RBFOX1: variants seen among roughly 807,000 people sequenced by gnomAD.
RBFOX1 encodes the protein RNA binding protein fox-1 homolog 1.
RBFOX1 carries 8 observed loss-of-function variants against 57.7 expected under a neutral mutation model. The ratio of observed to expected loss-of-function variants is 0.14; its 90% CI spans 0.08 to 0.25. RBFOX1 has a LOEUF of 0.25. Among genes scored for constraint, RBFOX1 ranks in the 10% least tolerant of loss-of-function variants. The pLI is 1.00. For synonymous variants in RBFOX1, 326 were observed against 222.4 expected, an observed-to-expected ratio of 1.47 and a Z score of -4.15; for missense variants, 611 against 548.5, an observed-to-expected ratio of 1.11 and a Z score of -1.14.
intron 1 of RBFOX1, among the ~76,000 whole-genome samples, chr16:6,206,783 C>A (rs2097258223): frequency 6.6e-6 from 1 of 152,290 alleles, no homozygotes; most frequent in East Asian, 1.9e-4. Flanking sequence ...CTCTCCCTCC[C>A]TTTTACTTTA....
chr16:7,607,595 A>G (rs1326564202), intron 10 of RBFOX1, among the ~76,000 whole-genome samples: 21 of 152,230 alleles, frequency 1.4e-4, no homozygotes, highest in Non-Finnish European at 2.6e-4. Context: ...TTTGCCCTAA[A>G]AAAAGCATTG....
chr16:7,266,982 CA>C (rs1366004939), intron 4 of RBFOX1, among the ~76,000 whole-genome samples: 15 of 151,988 alleles, frequency 9.9e-5, no homozygotes, highest in African/African-American at 3.6e-4. Context: ...CCACTGAGAC[CA>C]AAAAGCTCCC....
At chr16:5,682,428 G>C (rs1353444044) in intron 3 of RBFOX1, among the ~76,000 whole-genome samples, 1 of 152,184 alleles carries the variant, frequency 6.6e-6, no homozygotes, top group East Asian at 1.9e-4. Flanking sequence ...CAATTTATCA[G>C]GTGGTGCTAG....
chr16:6,331,502 T>A (rs757898088), intron 2 of RBFOX1, among the ~76,000 whole-genome samples: 1 of 151,786 alleles, frequency 6.6e-6, no homozygotes, highest in African/African-American at 2.4e-5. Context: ...GGAATGGATA[T>A]AAATGGAAGG....
intron 1 of RBFOX1, among the ~76,000 whole-genome samples, chr16:6,230,257 C>G (rs1481959967): frequency 6.6e-6 from 1 of 152,022 alleles, no homozygotes; most frequent in Non-Finnish European, 1.5e-5. Flanking sequence ...AATCACCAAT[C>G]TCGATTGGAC....
chr16:7,140,964 G>A (rs979901330), intron 4 of RBFOX1, among the ~76,000 whole-genome samples: 3 of 152,188 alleles, frequency 2.0e-5, no homozygotes, highest in African/African-American at 7.2e-5. Flanking sequence ...AATTGGGAGA[G>A]AGAAGGAGGG....
At chr16:6,847,806 A>G (rs912921650) in intron 3 of RBFOX1, among the ~76,000 whole-genome samples, 2 of 152,054 alleles carry the variant, frequency 1.3e-5, no homozygotes, top group East Asian at 1.9e-4. Flanking sequence ...TAATTTTACT[A>G]TGAAAAAAAT....
At chr16:7,048,623 T>C (rs544856736) in intron 3 of RBFOX1, among the ~76,000 whole-genome samples, 2 of 152,334 alleles carry the variant, frequency 1.3e-5, no homozygotes, top group African/African-American at 2.4e-5. Context: ...TCAGTTATTT[T>C]CAGTGTGTTT....
chr16:6,740,915 A>T (rs940310825), intron 3 of RBFOX1, among the ~76,000 whole-genome samples: 12 of 152,220 alleles, frequency 7.9e-5, no homozygotes, highest in African/African-American at 2.7e-4. Context: ...AGTTGTTAAC[A>T]CAATTTTGAA....
chr16:6,774,151 A>G (rs1311774746), intron 3 of RBFOX1: 1 of 318,006 alleles, frequency 3.1e-6, no homozygotes, highest in African/African-American at 2.3e-5. Flanking sequence ...GCACTCTGGG[A>G]AGGCAAATGA....
chr16:6,240,811 A>T (rs1397558343), intron 1 of RBFOX1, among the ~76,000 whole-genome samples: 1 of 152,018 alleles, frequency 6.6e-6, no homozygotes, highest in African/African-American at 2.4e-5. Flanking sequence ...CTCTTTCTTG[A>T]TTCACCTGAT....
chr16:7,138,953 C>T (rs553303983), intron 4 of RBFOX1, among the ~76,000 whole-genome samples: 1 of 152,166 alleles, frequency 6.6e-6, no homozygotes, highest in Admixed American at 6.5e-5. Context: ...AGATTACAGC[C>T]TCCTACCACC....
intron 4 of RBFOX1, among the ~76,000 whole-genome samples, chr16:5,923,224 CA>C (rs1485830277): frequency 6.6e-6 from 1 of 152,004 alleles, no homozygotes. Context: ...AAGAGATTTA[CA>C]ATTTAAATAA....
chr16:7,029,281 T>A (rs1287082121), intron 3 of RBFOX1, among the ~76,000 whole-genome samples: 1 of 140,964 alleles, frequency 7.1e-6, no homozygotes, highest in Non-Finnish European at 1.5e-5. Flanking sequence ...TACGTATATA[T>A]ATACACATAT....
Position 5,954,319 on chromosome 16 carries a change from C to G in RBFOX1, c.351+86984C>G, listed in dbSNP as rs527535947. ...GGCCCTCAGGTGAGCATCCTCCTGTCTAACTCAGGCCGGGTGGGGGTTGGG... is the reference window on the plus strand; with the variant it reads ...GGCCCTCAGGTGAGCATCCTCCTGTGTAACTCAGGCCGGGTGGGGGTTGGG... On this transcript the variant is annotated intron_variant, in intron 4 of 19. Transcript: ENST00000641259. Among the ~76,000 whole-genome samples, 5 of 152,234 alleles carry G rather than the reference C, an allele frequency of 3.3e-5. 1 individual carries two copies. The highest frequency in any genetic ancestry group is 5.9e-5 in the Non-Finnish European group (4 of 68,004).
Position 6,145,304 on chromosome 16 carries a change from C to G in RBFOX1, c.-127+125312C>G, listed in dbSNP as rs1300270934. Among the ~76,000 whole-genome samples, 4 of 152,194 alleles carry G rather than the reference C, an allele frequency of 2.6e-5. No individual in the cohort carries two copies. The East Asian group carries it at 5.8e-4, about 22-fold the overall frequency. ...ATGCAGTATTTGGTTTTCTGTTCCT[C>G]CATTAGTTTGCTAAGGATAAAGGCC... On this transcript the variant is annotated intron_variant, in intron 1 of 15. Transcript: ENST00000550418.
At chr16:7,627,999 T>G (rs960789051) in intron 10 of RBFOX1, among the ~76,000 whole-genome samples, 5 of 151,946 alleles carry the variant, frequency 3.3e-5, no homozygotes, top group Non-Finnish European at 5.9e-5. Context: ...TAAAAAAAAT[T>G]AGGAATGCTT....
intron 4 of RBFOX1, among the ~76,000 whole-genome samples, chr16:7,389,572 C>A (rs1005131295): frequency 1.3e-5 from 2 of 152,178 alleles, no homozygotes; most frequent in Non-Finnish European, 2.9e-5. Flanking sequence ...GAATGACTTG[C>A]TTTAGCCAAA....
intron 1 of RBFOX1, among the ~76,000 whole-genome samples, chr16:5,434,306 C>G (rs1377542787): frequency 7.5e-6 from 1 of 132,688 alleles, no homozygotes; most frequent in Non-Finnish European, 1.6e-5. Context: ...GGAGCCATCT[C>G]TGCTGAAGTC....
Sources: gnomAD v4.1 joint callset for allele counts (sites outside exome capture counted in the v4.1 genomes callset) on GRCh38, gnomAD v4.1.1 for gene constraint, MANE v1.5 for transcripts, NCBI Gene and HGNC (gene_info 2026-07-23, HGNC 2026-07-21) for gene names.